The following DENND2C variants were observed in gnomAD, a reference collection of about 807,000 sequenced individuals.
The protein encoded by DENND2C is DENN domain containing 2C.
A neutral mutation model predicts 112.4 loss-of-function variants in DENND2C; 72 were observed. The ratio of observed to expected loss-of-function variants is 0.64; its 90% CI spans 0.53 to 0.78. DENND2C has a LOEUF of 0.78. Ranked by LOEUF, DENND2C falls within the 30% of genes least tolerant of loss-of-function variation. The pLI is 0.00. For missense variants in DENND2C, 992 were observed against 1,113.8 expected, an observed-to-expected ratio of 0.89 and a Z score of 1.56; for synonymous variants, 329 against 381.6, an observed-to-expected ratio of 0.86 and a Z score of 1.61.
In DENND2C at chr1:114,625,398, G is replaced by A. The variant is rs866596937; in HGVS notation, c.587C>T (p.Ser196Phe). 1 of 1,614,142 alleles carries A rather than the reference G, an allele frequency of 6.2e-7. No homozygotes were observed. The highest frequency in any genetic ancestry group is 1.3e-5 in the African/African-American group (1 of 75,052). Residue 196 changes from serine (S) to phenylalanine (F), a missense_variant, in exon 4 of 21, where the codon TCT becomes TTT. Coordinates refer to ENST00000393274, the MANE Select transcript of DENND2C (RefSeq NM_001256404.2). The part of the protein sequence containing the change: ...GITKSLENIY[S>F]EPEGQECGPS... Reference sequence around the variant, plus strand: ...TCCACATTCTTGCCCCTCAGGTTCAGAGTAAATATTTTCTAAGCTCTTGGT... The same window carrying A: ...TCCACATTCTTGCCCCTCAGGTTCAAAGTAAATATTTTCTAAGCTCTTGGT...
chr1:114,614,056 A>G (rs550788687), intron 8 of DENND2C, among the ~76,000 whole-genome samples: 1 of 152,050 alleles, frequency 6.6e-6, no homozygotes, highest in African/African-American at 2.4e-5. Flanking sequence ...ACATGGTGAG[A>G]TTTTGTCTCT....
Position 114,592,524 on chromosome 1 carries a change from C to T in DENND2C, c.2431+1949G>A, listed in dbSNP as rs1476453933. On this transcript the variant is annotated intron_variant, in intron 18 of 20. Transcript: ENST00000393274. ...CTTGAGCCCAGGAGTTCAAGATCAG[C>T]CTGGGCAACATCGTGAAAGCCCGTC... 2.6e-5 allele frequency among the ~76,000 whole-genome samples: 4 copies of T among 151,982 alleles called. No homozygotes were observed. The East Asian group carries it at 7.8e-4, about 30-fold the overall frequency.
chr1:114,591,723 A>G (rs1022077230), intron 18 of DENND2C, among the ~76,000 whole-genome samples: 5 of 151,992 alleles, frequency 3.3e-5, no homozygotes, highest in African/African-American at 1.2e-4. Context: ...ATTTTCTTCT[A>G]TTCTTTTAAA....
At chr1:114,664,921 C>T (rs149033191) in intron 1 of DENND2C, among the ~76,000 whole-genome samples, 7,526 of 112,898 alleles carry the variant, frequency 0.067, 210 homozygotes, top group South Asian at 0.13. Context: ...GGTGAAACCC[C>T]ATCTCTACCA....
intron 3 of DENND2C, among the ~76,000 whole-genome samples, chr1:114,628,660 G>C (rs1395243375): frequency 1.3e-5 from 2 of 152,150 alleles, no homozygotes; most frequent in Non-Finnish European, 2.9e-5. Context: ...TTATAATGTG[G>C]CTTGCGTGTT....
Position 114,608,709 on chromosome 1 carries a change from C to T in DENND2C, c.1534G>A (p.Val512Ile), listed in dbSNP as rs760101840. Residue 512 changes from valine to isoleucine, a missense_variant, in exon 10 of 21, where the codon GTC becomes ATC. Val to Ile is a conservative substitution (Grantham distance 29). Coordinates refer to ENST00000393274, the MANE Select transcript of DENND2C (RefSeq NM_001256404.2). ...ACCTTGCCAGGGAATTGTTGTATGA[C>T]CTGGGGAATATAGCTTATTCCTGAT... ...KPSGISYIPQVIQQFPGKDDH... is the reference protein window; with the variant it reads ...KPSGISYIPQIIQQFPGKDDH... 5 of 1,613,902 alleles carry T rather than the reference C, an allele frequency of 3.1e-6. No homozygotes were observed. The highest frequency in any genetic ancestry group is 4.5e-5 in the East Asian group (2 of 44,890).
Position 114,604,939 on chromosome 1 carries a change from T to C in DENND2C, c.1650A>G (p.Pro550=). The change falls in exon 11 of 21, where the codon CCA becomes CCG. Residue 550 remains proline (P), a synonymous_variant. Transcript: ENST00000393274. ...CCATTTACCTCTTGAGTTCTGAGGT[T>C]GGCATCCAGTCCTTTGAATCAGGAA... ...FCFPDSKDWM[P]TSELKSETFS... The C allele has an allele frequency of 2.5e-6, 4 of 1,613,274 alleles. No individual in the cohort carries two copies. The East Asian group carries it at 6.7e-5, about 27-fold the overall frequency.
chr1:114,662,904 G>T (rs902793365), intron 1 of DENND2C, among the ~76,000 whole-genome samples: 1 of 152,080 alleles, frequency 6.6e-6, no homozygotes, highest in Non-Finnish European at 1.5e-5. Context: ...AGGCTGCAGT[G>T]AACTATGATT....
intron 18 of DENND2C, among the ~76,000 whole-genome samples, chr1:114,594,228 G>C (rs988329191): frequency 1.3e-5 from 2 of 152,172 alleles, no homozygotes; most frequent in Non-Finnish European, 2.9e-5. Flanking sequence ...CAGGAAGAAA[G>C]GGCAGGAGTC....
chr1:114,648,085 G>A (rs1220356120), intron 2 of DENND2C, among the ~76,000 whole-genome samples: 1 of 152,226 alleles, frequency 6.6e-6, no homozygotes, highest in Non-Finnish European at 1.5e-5. Flanking sequence ...TGGGATTACA[G>A]GCGTGAGTCA....
At chr1:114,666,062 C>A (rs1327478375) in intron 1 of DENND2C, among the ~76,000 whole-genome samples, 3 of 152,118 alleles carry the variant, frequency 2.0e-5, no homozygotes, top group South Asian at 2.1e-4. Context: ...TAAAACAAGA[C>A]CCTTCATCCA....
Position 114,587,458 on chromosome 1 carries a change from CG to C in DENND2C, c.2683del (p.Arg895GlyfsTer17). On this transcript the variant is annotated frameshift_variant, in exon 20 of 21. Coordinates refer to ENST00000393274, the MANE Select transcript of DENND2C (RefSeq NM_001256404.2). LOFTEE classifies it high-confidence loss of function. ...KSGVKGLFEI[R>X]AIQYLETIPE... The stretch of plus-strand genomic sequence containing the variant: ...AATTGTTTCCAAATACTGGATGGCC[CG>C]GATCTCAAACAAACCTACAAGGAAA... The C allele has an allele frequency of 6.2e-7, 1 of 1,614,126 alleles. No homozygotes were observed.
At chr1:114,610,931 T>G (rs1655799459) in intron 9 of DENND2C, 142 bp downstream of exon 9, 3 of 941,078 alleles carry the variant, frequency 3.2e-6, no homozygotes, top group Non-Finnish European at 4.9e-6. Context: ...TCTCCAAACC[T>G]CAACAGGCTC....
chr1:114,592,714 T>C (rs576655668), intron 18 of DENND2C, among the ~76,000 whole-genome samples: 1 of 152,222 alleles, frequency 6.6e-6, no homozygotes, highest in South Asian at 2.1e-4. Flanking sequence ...AGCGAGACCC[T>C]GTCTCAAAAA....
At chr1:114,634,851 A>C (rs988616653) in intron 3 of DENND2C, among the ~76,000 whole-genome samples, 1 of 151,916 alleles carries the variant, frequency 6.6e-6, no homozygotes, top group Admixed American at 6.6e-5. Flanking sequence ...AACATGGCAA[A>C]ACCCTGCCTC....
At chr1:114,587,101 T>C in intron 20 of DENND2C, 2 of 315,634 alleles carry the variant, frequency 6.3e-6, no homozygotes, top group South Asian at 4.8e-5. Context: ...TTTCACCATG[T>C]TGGACAGGCT....
At chr1:114,610,229 C>T (rs1297551331) in intron 9 of DENND2C, among the ~76,000 whole-genome samples, 1 of 152,132 alleles carries the variant, frequency 6.6e-6, no homozygotes, top group East Asian at 1.9e-4. Flanking sequence ...GATGAAGGCA[C>T]CATGAAGTGC....
At chr1:114,663,783 C>T (rs968521350) in intron 1 of DENND2C, among the ~76,000 whole-genome samples, 3 of 152,146 alleles carry the variant, frequency 2.0e-5, no homozygotes, top group South Asian at 4.1e-4. Context: ...TTTATTGGAA[C>T]ACAGTCCATG....
At chr1:114,636,909 T>C (rs1008891073) in intron 3 of DENND2C, among the ~76,000 whole-genome samples, 13 of 151,466 alleles carry the variant, frequency 8.6e-5, no homozygotes, top group Non-Finnish European at 8.8e-5. Context: ...GAATAAACGA[T>C]TGGAAAATGA....
Sources: allele counts gnomAD v4.1 joint callset (sites outside exome capture counted in the v4.1 genomes callset), GRCh38; gene constraint gnomAD v4.1.1; transcripts MANE v1.5; gene names NCBI Gene and HGNC (gene_info 2026-07-23, HGNC 2026-07-21).